Variants in METTL25 observed in about 807,000 individuals in gnomAD.
METTL25 encodes the protein probable methyltransferase-like protein 25.
A neutral mutation model predicts 71.6 loss-of-function variants in METTL25; 64 were observed. The ratio of observed to expected loss-of-function variants is 0.89; its 90% CI spans 0.73 to 1.10. METTL25 has a LOEUF of 1.10. METTL25 is among the 50% of genes least tolerant of loss of function. The pLI is 0.00. For missense variants in METTL25, 807 were observed against 707.0 expected, an observed-to-expected ratio of 1.14 and a Z score of -1.60; for synonymous variants, 287 against 250.3, an observed-to-expected ratio of 1.15 and a Z score of -1.38.
intron 1 of METTL25, among the ~76,000 whole-genome samples, chr12:82,379,315 T>G (rs1185140552): frequency 6.6e-6 from 1 of 152,220 alleles, no homozygotes; most frequent in Non-Finnish European, 1.5e-5. Flanking sequence ...ATTACTGCAC[T>G]GAAATAAATA....
rs201003485 is a variant in METTL25, at chr12:82,403,122, A to G, written c.1271A>G (p.Gln424Arg). 1.9e-6 allele frequency: 3 copies of G among 1,611,250 alleles called. No homozygotes were observed. Among genetic ancestry groups the G allele is most frequent in the Non-Finnish European group, 2.5e-6 (3 of 1,179,020 alleles). Residue 424 changes from glutamine (Q) to arginine (R), a missense_variant, in exon 5 of 12, where the codon CAG becomes CGG. Coordinates refer to ENST00000248306, the MANE Select transcript of METTL25 (RefSeq NM_032230.3). ...CTCTTATCTGAAGAATTTGAAAACC[A>G]GCATAAAGGTACAAGTTCCCCATGT... ...YHLLSEEFEN[Q>R]HKERTQEKWG...
At chr12:82,427,042 A>T (rs1185768558) in intron 5 of METTL25, among the ~76,000 whole-genome samples, 3 of 152,002 alleles carry the variant, frequency 2.0e-5, no homozygotes, top group Non-Finnish European at 2.9e-5. Context: ...TATCTCCATA[A>T]GCGCTTGGTT....
At chr12:82,383,198 G>A (rs776030887) in intron 1 of METTL25, among the ~76,000 whole-genome samples, 62 of 151,672 alleles carry the variant, frequency 4.1e-4, no homozygotes, top group Admixed American at 1.1e-3. Flanking sequence ...TTTTTGAGAC[G>A]GAGTCTTGGT....
chr12:82,409,883 G>A (rs1380844114), intron 5 of METTL25, among the ~76,000 whole-genome samples: 1 of 152,040 alleles, frequency 6.6e-6, no homozygotes, highest in African/African-American at 2.4e-5. Context: ...TCAATCTGGT[G>A]CTGCCATTTC....
chr12:82,425,582 G>A (rs1273720928), intron 5 of METTL25, among the ~76,000 whole-genome samples: 3 of 151,980 alleles, frequency 2.0e-5, no homozygotes, highest in African/African-American at 4.8e-5. Flanking sequence ...CAGAGATTAC[G>A]CTGTTGAGGG....
intron 1 of METTL25, among the ~76,000 whole-genome samples, chr12:82,385,106 A>G (rs1884847896): frequency 6.6e-6 from 1 of 152,138 alleles, no homozygotes; most frequent in South Asian, 2.1e-4. Flanking sequence ...TACTCTAGTA[A>G]TTTTAATTTA....
chr12:82,396,988 T>C (rs529251550), intron 3 of METTL25, among the ~76,000 whole-genome samples: 21 of 152,132 alleles, frequency 1.4e-4, no homozygotes, highest in Non-Finnish European at 2.5e-4. Context: ...TATTTGTTTT[T>C]TTATTTACCA....
chr12:82,432,127 A>G (rs902055040), intron 6 of METTL25, among the ~76,000 whole-genome samples: 7 of 151,718 alleles, frequency 4.6e-5, no homozygotes, highest in Admixed American at 2.6e-4. Context: ...TGATTAAATA[A>G]TATGTTTAAT....
At chr12:82,435,198 A>C in intron 7 of METTL25, among the ~76,000 whole-genome samples, 1 of 151,468 alleles carries the variant, frequency 6.6e-6, no homozygotes, top group Non-Finnish European at 1.5e-5. Context: ...TAATCCCCCA[A>C]ATATCCATGT....
At chr12:82,383,682 TGACA>T (rs1192822502) in intron 1 of METTL25, among the ~76,000 whole-genome samples, 1 of 152,190 alleles carries the variant, frequency 6.6e-6, no homozygotes, top group African/African-American at 2.4e-5. Context: ...TCAAGTAGGA[TGACA>T]GACATTTATT....
intron 8 of METTL25, among the ~76,000 whole-genome samples, chr12:82,456,518 T>C (rs908213093): frequency 2.0e-5 from 3 of 152,008 alleles, no homozygotes; most frequent in Non-Finnish European, 4.4e-5. Flanking sequence ...CCTTCACTGC[T>C]ATATGTTATA....
intron 1 of METTL25, among the ~76,000 whole-genome samples, chr12:82,367,505 C>T (rs114573646): frequency 7.9e-5 from 12 of 152,182 alleles, no homozygotes; most frequent in Non-Finnish European, 1.3e-4. Context: ...GTTCATAATC[C>T]GCCAATTCCT....
rs546770945 is a variant in METTL25, at chr12:82,359,671, A to G, written c.259+847A>G. Among the ~76,000 whole-genome samples, 7 of 151,888 alleles carry G rather than the reference A, an allele frequency of 4.6e-5. No homozygotes were observed. In the South Asian group the frequency reaches 1.0e-3, roughly 23 times the overall value. ...ATTTAAAAACTATTTTAAAGTACCT[A>G]ATATGTGTCTTGAATTTTTGTAGGC... On this transcript the variant is annotated intron_variant, in intron 1 of 11. Transcript: ENST00000248306.
intron 9 of METTL25, chr12:82,468,656 A>G (rs1173345642): frequency 2.0e-5 from 3 of 152,126 alleles, no homozygotes; most frequent in African/African-American, 7.2e-5. Flanking sequence ...GGATTAGTAG[A>G]TCCCATGTCA....
At chr12:82,375,572 C>T (rs1883760562) in intron 1 of METTL25, among the ~76,000 whole-genome samples, 1 of 152,198 alleles carries the variant, frequency 6.6e-6, no homozygotes, top group Non-Finnish European at 1.5e-5. Context: ...CCATTCACTG[C>T]CTCCCAATCA....
At chr12:82,375,932 A>G (rs4257045) in intron 1 of METTL25, among the ~76,000 whole-genome samples, 140,704 of 152,226 alleles carry the variant, frequency 0.92, 65,346 homozygotes, top group East Asian at 1. Flanking sequence ...TACAACAGGT[A>G]TGACCTCTGC....
At chr12:82,447,748 A>G (rs572444146) in intron 8 of METTL25, among the ~76,000 whole-genome samples, 5 of 152,202 alleles carry the variant, frequency 3.3e-5, no homozygotes, top group South Asian at 4.1e-4. Flanking sequence ...GTTGGGTACA[A>G]GAGTTTGTTT....
chr12:82,361,076 C>G (rs537925215), intron 1 of METTL25, among the ~76,000 whole-genome samples: 1 of 152,090 alleles, frequency 6.6e-6, no homozygotes, highest in Admixed American at 6.5e-5. Flanking sequence ...TGCTTTTATT[C>G]TCTTATCTGA....
At position 82,479,039 on chromosome 12, in the gene METTL25, A is replaced by G. The variant is rs186664108; in HGVS notation, c.*15A>G. 1 of 1,603,708 alleles carries G rather than the reference A, an allele frequency of 6.2e-7. No homozygotes were observed. The highest frequency in any genetic ancestry group is 2.2e-5 in the East Asian group (1 of 44,696). Reference sequence around the variant, plus strand: ...AGCAGCAGTGATTTCCATTGAAGCAAATTATTAGATGTATTTCTCTATGAG... The same window carrying G: ...AGCAGCAGTGATTTCCATTGAAGCAGATTATTAGATGTATTTCTCTATGAG... On this transcript the variant is annotated 3_prime_UTR_variant, in exon 12 of 12. Coordinates refer to ENST00000248306, the MANE Select transcript of METTL25 (RefSeq NM_032230.3).
Sources: gnomAD v4.1 joint callset for allele counts (sites outside exome capture counted in the v4.1 genomes callset) on GRCh38, gnomAD v4.1.1 for gene constraint, MANE v1.5 for transcripts, NCBI Gene and HGNC (gene_info 2026-07-23, HGNC 2026-07-21) for gene names.